MROH9: variants seen among roughly 807,000 people sequenced by gnomAD.
The protein encoded by MROH9 is maestro heat-like repeat-containing protein family member 9.
In MROH9, 92 loss-of-function variants were observed where a neutral mutation model predicts 98.2. The observed-to-expected ratio is 0.94, with a 90% CI of 0.79 to 1.11. The LOEUF is 1.11. MROH9 is among the 50% of genes most tolerant of loss of function. MROH9 has a pLI of 0.00. For synonymous variants in MROH9, 397 were observed against 368.9 expected, an observed-to-expected ratio of 1.08 and a Z score of -0.87; for missense variants, 1,057 against 1,014.8, an observed-to-expected ratio of 1.04 and a Z score of -0.57.
intron 9 of MROH9, among the ~76,000 whole-genome samples, chr1:170,985,758 A>G (rs1651108382): frequency 7.0e-6 from 1 of 141,888 alleles, no homozygotes; most frequent in South Asian, 2.6e-4. Flanking sequence ...ACCCCCCTCT[A>G]ATTTTCTTCC....
intron 17 of MROH9, among the ~76,000 whole-genome samples, chr1:171,022,395 C>T (rs1652549406): frequency 6.6e-6 from 1 of 152,168 alleles, no homozygotes; most frequent in South Asian, 2.1e-4. Flanking sequence ...GGTATATATA[C>T]ACCGTGGACT....
At position 170,939,015 on chromosome 1, in the gene MROH9, G is replaced by C. The variant is rs577772573; in HGVS notation, c.-38+3428G>C. On this transcript the variant is annotated intron_variant, in intron 1 of 21. Transcript: ENST00000367759. Reference sequence around the variant, plus strand: ...TTGGGTGATGACACTAGTGGCTGAAGAAATAGCCTAATTGGTACCTACAGA... The same window carrying C: ...TTGGGTGATGACACTAGTGGCTGAACAAATAGCCTAATTGGTACCTACAGA... Among the ~76,000 whole-genome samples, 9 of 152,316 alleles carry C rather than the reference G, an allele frequency of 5.9e-5. No homozygotes were observed. In the South Asian group the frequency reaches 1.9e-3, roughly 32 times the overall value.
chr1:170,988,894 T>C (rs1290694982), intron 10 of MROH9, among the ~76,000 whole-genome samples: 2 of 152,132 alleles, frequency 1.3e-5, no homozygotes, highest in Non-Finnish European at 2.9e-5. Context: ...GCATTTAAAA[T>C]AGGAAGAGGA....
chr1:170,951,054 T>A (rs928981950), intron 3 of MROH9, among the ~76,000 whole-genome samples: 1 of 152,038 alleles, frequency 6.6e-6, no homozygotes, highest in Non-Finnish European at 1.5e-5. Flanking sequence ...CTATGTGGAT[T>A]TGAAGGAATT....
chr1:170,958,551 C>A lies in MROH9; in HGVS notation c.152+11C>A. On this transcript the variant is annotated intron_variant, in intron 4 of 21. Coordinates refer to ENST00000367759, the MANE Select transcript of MROH9 (RefSeq NM_001163629.2). ...GGCTGTGAACTCCAGGTATGATAAG[C>A]TATCATGCTCTTTTATTTCACTAAT... 6.5e-7 allele frequency: 1 copy of A among 1,528,618 alleles called. No homozygotes were observed. The highest frequency in any genetic ancestry group is 9.0e-7 in the Non-Finnish European group (1 of 1,116,882). The allele number at this position is 1,528,618 out of a possible 1,614,324, so 94.7% of individuals were successfully genotyped here. A position where few individuals can be genotyped will look rare whatever the true frequency, so the allele number is the denominator to read the frequency against.
Position 170,947,581 on chromosome 1 carries a change from A to T in MROH9, c.72+8A>T. On this transcript the variant is annotated splice_region_variant and intron_variant, in intron 3 of 21. Transcript: ENST00000367759. ...GTGAAATGGCACCACATGGTAAGTG[A>T]TATTCTATAAGGATATCAACGTAAC... 6.2e-7 allele frequency: 1 copy of T among 1,606,574 alleles called. No individual in the cohort carries two copies. The highest frequency in any genetic ancestry group is 1.3e-5 in the African/African-American group (1 of 74,768).
chr1:170,935,690 G>T (rs1361215552), intron 1 of MROH9, 103 bp downstream of exon 1: 1 of 151,916 alleles, frequency 6.6e-6, no homozygotes, highest in Non-Finnish European at 1.5e-5. Context: ...AAAGAACCAT[G>T]AATACATTAG....
At chr1:170,993,567 A>G (rs1651444852) in intron 12 of MROH9, among the ~76,000 whole-genome samples, 1 of 152,162 alleles carries the variant, frequency 6.6e-6, no homozygotes, top group African/African-American at 2.4e-5. Flanking sequence ...GCATGCCAAA[A>G]CATCATAAAA....
At chr1:171,054,896 C>T (rs1010203852) in intron 20 of MROH9, among the ~76,000 whole-genome samples, 2 of 152,106 alleles carry the variant, frequency 1.3e-5, no homozygotes, top group Non-Finnish European at 2.9e-5. Context: ...CACTTTTACA[C>T]TGCTGGTGGG....
chr1:171,050,507 T>C (rs1340048929), intron 20 of MROH9, among the ~76,000 whole-genome samples: 2 of 152,226 alleles, frequency 1.3e-5, no homozygotes, highest in Admixed American at 6.5e-5. Flanking sequence ...AAAATGCTAC[T>C]GATTTCAGTA....
rs376992226 is a variant in MROH9, at chr1:170,989,921, T to C, written c.946T>C (p.Leu316=). The C allele has an allele frequency of 4.3e-6, 7 of 1,613,368 alleles. No individual in the cohort carries two copies. The African/African-American group carries it at 8.0e-5, about 18-fold the overall frequency. ...CDNNCMKDVM[L]QVITLLTCTS... ...TAACAATTGTATGAAGGATGTTATG[T>C]TGCAGGTTATCACTTTGTTGACATG... The change falls in exon 11 of 22, where the codon TTG becomes CTG. Residue 316 remains leucine (L), a synonymous_variant. Coordinates refer to ENST00000367759, the MANE Select transcript of MROH9 (RefSeq NM_001163629.2).
chr1:171,020,357 A>C (rs982102801), intron 17 of MROH9, among the ~76,000 whole-genome samples: 17 of 152,286 alleles, frequency 1.1e-4, no homozygotes, highest in South Asian at 1.0e-3. Context: ...TGATGCGAAA[A>C]TCCTCAACAA....
intron 6 of MROH9, 47 bp downstream of exon 6, chr1:170,962,023 T>C (rs370912936): frequency 6.2e-6 from 6 of 975,446 alleles, no homozygotes; most frequent in Non-Finnish European, 9.1e-6. Context: ...AAGTCTAGTA[T>C]GCTCACTATG....
At chr1:170,940,443 A>G (rs1304456775) in intron 1 of MROH9, among the ~76,000 whole-genome samples, 2 of 152,234 alleles carry the variant, frequency 1.3e-5, no homozygotes, top group Non-Finnish European at 2.9e-5. Context: ...AAATTATGAC[A>G]TACAGCTGGA....
intron 11 of MROH9, among the ~76,000 whole-genome samples, chr1:170,990,613 A>G (rs1478848943): frequency 2.0e-5 from 3 of 152,210 alleles, no homozygotes; most frequent in African/African-American, 7.2e-5. Flanking sequence ...TACAATTGGC[A>G]TAAACATTGG....
chr1:170,939,731 T>A (rs1293924112), intron 1 of MROH9, among the ~76,000 whole-genome samples: 1 of 152,166 alleles, frequency 6.6e-6, no homozygotes. Flanking sequence ...AACACCCAGT[T>A]CATGATAAGC....
In MROH9 at chr1:171,054,387, G is replaced by A. The variant is rs115631373; in HGVS notation, c.2282-7745G>A. ...CCTTATACAAAAATTAACTCAAGAT[G>A]GATCAGAGACTTAACTCTAAGACCT... On this transcript the variant is annotated intron_variant, in intron 20 of 21. Coordinates refer to ENST00000367759, the MANE Select transcript of MROH9 (RefSeq NM_001163629.2). Among the ~76,000 whole-genome samples the A allele has an allele frequency of 1.4e-3, 220 of 152,210 alleles. 1 individual carries two copies. The highest frequency in any genetic ancestry group is 5.0e-3 in the African/African-American group (208 of 41,526).
Position 171,025,427 on chromosome 1 carries a change from A to G in MROH9, c.2281+7A>G. The G allele has an allele frequency of 6.7e-7, 1 of 1,496,458 alleles. No individual in the cohort carries two copies. Among genetic ancestry groups the G allele is most frequent in the South Asian group, 1.2e-5 (1 of 82,816 alleles). The allele number at this position is 1,496,458 out of a possible 1,614,324, so 92.7% of individuals were successfully genotyped here. On this transcript the variant is annotated splice_region_variant and intron_variant, in intron 20 of 21. Coordinates refer to ENST00000367759, the MANE Select transcript of MROH9 (RefSeq NM_001163629.2). ...GCATCGGTTATTTTGATAGGTAAATATAATTCAGTTCTCAATTCCTAACTT... is the reference window on the plus strand; with the variant it reads ...GCATCGGTTATTTTGATAGGTAAATGTAATTCAGTTCTCAATTCCTAACTT...
chr1:171,009,982 G>T (rs919158744), intron 15 of MROH9, among the ~76,000 whole-genome samples: 22 of 152,072 alleles, frequency 1.4e-4, no homozygotes, highest in African/African-American at 4.6e-4. Context: ...AAGCTCTGGG[G>T]TACATGTGCA....
Sources: gnomAD v4.1 joint callset for allele counts (sites outside exome capture counted in the v4.1 genomes callset) on GRCh38, gnomAD v4.1.1 for gene constraint, MANE v1.5 for transcripts, NCBI Gene and HGNC (gene_info 2026-07-23, HGNC 2026-07-21) for gene names.